RXFP2: variants seen among roughly 807,000 people sequenced by gnomAD.
RXFP2 encodes the protein relaxin family peptide receptor 2.
In RXFP2, 68 loss-of-function variants were observed where a neutral mutation model predicts 88.6. The ratio of observed to expected loss-of-function variants is 0.77; its 90% CI spans 0.63 to 0.94. The LOEUF (loss-of-function observed/expected upper bound fraction) is 0.94. Among genes scored for constraint, RXFP2 ranks in the 40% least tolerant of loss-of-function variants. RXFP2 has a pLI of 0.00. For missense variants in RXFP2, 791 were observed against 893.9 expected (o/e 0.88, Z 1.47); for synonymous variants, 329 against 306.8 (o/e 1.07, Z -0.76).
rs1404638691 is a variant in RXFP2, at chr13:31,761,803, T to C, written c.319+2T>C. 1 of 1,601,464 alleles carries C rather than the reference T, an allele frequency of 6.2e-7. No individual in the cohort carries two copies. Among genetic ancestry groups the C allele is most frequent in the Non-Finnish European group, 8.6e-7 (1 of 1,168,884 alleles). ...GCGTGGCCTTAACACAGGAGTGCTG[T>C]AAGTGGTTTTGATTCAAAGACAGTA... On this transcript the variant is annotated splice_donor_variant, in intron 3 of 17. Transcript: ENST00000298386. LOFTEE classifies it high-confidence loss of function.
At chr13:31,774,503 G>T in intron 5 of RXFP2, 117 bp from the exon 6 acceptor site, 1 of 725,060 alleles carries the variant, frequency 1.4e-6, no homozygotes, top group Non-Finnish European at 2.5e-6. Context: ...ATGAGAATAG[G>T]ACTTCGTACT....
Position 31,743,888 on chromosome 13 carries a change from G to A in RXFP2, c.94+4182G>A, listed in dbSNP as rs561870964. Among the ~76,000 whole-genome samples the A allele has an allele frequency of 4.5e-4, 69 of 151,856 alleles. 3 individuals carry two copies. The highest frequency in any genetic ancestry group is 3.5e-3 in the East Asian group (18 of 5,150). On this transcript the variant is annotated intron_variant, in intron 1 of 17. Transcript: ENST00000298386. ...TTTGTCCTGGCTACATCCCATTCTC[G>A]GTAACTCTCACACCTGCTCCATCCT...
At chr13:31,742,617 T>C (rs943162359) in intron 1 of RXFP2, among the ~76,000 whole-genome samples, 11 of 152,190 alleles carry the variant, frequency 7.2e-5, no homozygotes, top group Non-Finnish European at 1.3e-4. Context: ...CGTGTGTTCA[T>C]CTTACTGTGA....
chr13:31,791,847 TC>T lies in RXFP2; in HGVS notation c.1189del (p.Arg397GlufsTer6), dbSNP rs1452118812. ...NFRYCSYAPH[V>X]RICMPLTDGI... ...CGATACTGCTCCTATGCTCCCCATG[TC>T]CGAATATGTATGCCCTTGACGGACG... On this transcript the variant is annotated frameshift_variant, in exon 15 of 18. Coordinates refer to ENST00000298386, the MANE Select transcript of RXFP2 (RefSeq NM_130806.5). LOFTEE classifies it high-confidence loss of function. 1 of 1,614,052 alleles carries T rather than the reference TC, an allele frequency of 6.2e-7. No individual in the cohort carries two copies. The highest frequency in any genetic ancestry group is 1.3e-5 in the African/African-American group (1 of 74,934).
intron 5 of RXFP2, among the ~76,000 whole-genome samples, chr13:31,767,227 T>C (rs1463687559): frequency 3.9e-5 from 6 of 152,228 alleles, no homozygotes; most frequent in Non-Finnish European, 8.8e-5. Flanking sequence ...GTCCATGACG[T>C]AGAACCTTGT....
intron 17 of RXFP2, among the ~76,000 whole-genome samples, chr13:31,798,375 G>A (rs1244456794): frequency 1.3e-5 from 2 of 152,304 alleles, no homozygotes; most frequent in East Asian, 1.9e-4. Context: ...TGTAGGATAC[G>A]AAAGTGAAAA....
intron 1 of RXFP2, 94 bp from the exon 2 acceptor site, chr13:31,758,164 C>T: frequency 4.0e-6 from 5 of 1,250,056 alleles, no homozygotes; most frequent in Non-Finnish European, 5.9e-6. Flanking sequence ...ACCAGATGAA[C>T]TCAACTCATA....
chr13:31,785,122 T>A (rs1873468869), intron 11 of RXFP2, among the ~76,000 whole-genome samples: 1 of 152,192 alleles, frequency 6.6e-6, no homozygotes, highest in Non-Finnish European at 1.5e-5. Flanking sequence ...TAAATGCATG[T>A]TACCAGGCTC....
intron 14 of RXFP2, 29 bp downstream of exon 14, chr13:31,789,222 A>G: frequency 7.1e-7 from 1 of 1,404,914 alleles, no homozygotes; most frequent in South Asian, 1.1e-5. Flanking sequence ...TGGAGGAGGA[A>G]GCATGGTAAA....
chr13:31,773,361 G>A (rs189487643), intron 5 of RXFP2, among the ~76,000 whole-genome samples: 1 of 151,898 alleles, frequency 6.6e-6, no homozygotes, highest in Non-Finnish European at 1.5e-5. Flanking sequence ...GAAAATGACC[G>A]TATTTGTAAA....
intron 1 of RXFP2, among the ~76,000 whole-genome samples, chr13:31,751,032 G>A (rs186684039): frequency 1.1e-4 from 16 of 152,296 alleles, no homozygotes. Flanking sequence ...GCTCATGCCT[G>A]TAATCCCAGC....
chr13:31,759,264 GT>G (rs138671803), intron 2 of RXFP2, among the ~76,000 whole-genome samples: 2,281 of 151,300 alleles, frequency 0.015, 65 homozygotes, highest in African/African-American at 0.053. Flanking sequence ...AATAATCTGA[GT>G]GATAAATAAG....
At chr13:31,752,433 T>C (rs906039396) in intron 1 of RXFP2, among the ~76,000 whole-genome samples, 7 of 151,982 alleles carry the variant, frequency 4.6e-5, no homozygotes, top group Admixed American at 1.3e-4. Flanking sequence ...GTGGGGTAAA[T>C]ATGTGTGAAT....
At chr13:31,750,737 T>C (rs1871630345) in intron 1 of RXFP2, among the ~76,000 whole-genome samples, 1 of 152,200 alleles carries the variant, frequency 6.6e-6, no homozygotes. Flanking sequence ...CCATTGGATT[T>C]AGTGTCAAAA....
chr13:31,766,492 A>G (rs1181372925), intron 5 of RXFP2, among the ~76,000 whole-genome samples: 2 of 152,208 alleles, frequency 1.3e-5, no homozygotes, highest in East Asian at 3.8e-4. Context: ...ATATCTGAGG[A>G]AAGAAAATGC....
intron 1 of RXFP2, among the ~76,000 whole-genome samples, chr13:31,752,583 A>T (rs1247729909): frequency 3.3e-5 from 5 of 152,138 alleles, no homozygotes; most frequent in Non-Finnish European, 7.4e-5. Flanking sequence ...CAAGAGGCCA[A>T]TTTCTCTTCG....
chr13:31,776,444 A>G (rs1037735794), intron 7 of RXFP2, among the ~76,000 whole-genome samples: 2 of 151,288 alleles, frequency 1.3e-5, no homozygotes, highest in African/African-American at 4.9e-5. Flanking sequence ...TTTAGTAGAA[A>G]TGGGGTGGGT....
chr13:31,759,375 G>GAGAAAGAAGAAAGAA (rs1351422223), intron 2 of RXFP2, among the ~76,000 whole-genome samples: 1 of 22,944 alleles, frequency 4.4e-5, no homozygotes, highest in Non-Finnish European at 8.3e-5. Context: ...CATTTGGATT[G>GAGAAAGAAGAAAGAA]AGAAAGAAAG....
chr13:31,776,061 C>CTTCT (rs10648579), intron 7 of RXFP2, among the ~76,000 whole-genome samples: 19,996 of 101,062 alleles, frequency 0.2, 1,873 homozygotes, highest in South Asian at 0.23. Flanking sequence ...TTTCTTTCTT[C>CTTCT]TTCTTTCTTT....
Sources: gnomAD v4.1 joint callset for allele counts (sites outside exome capture counted in the v4.1 genomes callset) on GRCh38, gnomAD v4.1.1 for gene constraint, MANE v1.5 for transcripts, NCBI Gene and HGNC (gene_info 2026-07-23, HGNC 2026-07-21) for gene names.